The following ZNF273 variants were observed in gnomAD, a reference collection of about 807,000 sequenced individuals.
ZNF273 encodes the protein zinc finger protein 9.
Under a neutral mutation model 14.9 loss-of-function variants are expected in ZNF273, and 11 were observed. That is an observed-to-expected ratio of 0.74 (90% confidence interval 0.46 to 1.22). The LOEUF (loss-of-function observed/expected upper bound fraction) is 1.22. Among genes scored for constraint, ZNF273 ranks in the 50% most tolerant of loss-of-function variants. The probability of loss-of-function intolerance (pLI) is 0.00; values close to 1 mark genes in which losing one functional copy is unlikely to be tolerated. For missense variants in ZNF273, 577 were observed against 660.6 expected, an observed-to-expected ratio of 0.87 and a Z score of 1.39; for synonymous variants, 199 against 223.9, an observed-to-expected ratio of 0.89 and a Z score of 0.99.
downstream of ZNF273, chr7:64,889,819 T>G: frequency 1.0e-6 from 1 of 955,920 alleles, no homozygotes; most frequent in Non-Finnish European, 1.2e-6. This position sits in a 1 kb window ranked among gnomAD's most constrained non-coding sequence, Gnocchi z 4.2. Context: ...ACCTGAGGGT[T>G]AAATTCGGGC....
At chr7:64,878,288 A>G (rs1474056289) in intron 1 of ZNF273, 2 of 152,162 alleles carry the variant, frequency 1.3e-5, no homozygotes, top group Admixed American at 1.3e-4. Flanking sequence ...TCTAGAAATA[A>G]GAGGAGCACA....
At chr7:64,902,454 G>A (rs562819957), upstream of ZNF273, among the ~76,000 whole-genome samples, 9 of 152,276 alleles carry the variant, frequency 5.9e-5, no homozygotes, top group South Asian at 4.1e-4. Flanking sequence ...CTGAGGCCAG[G>A]CGCGGTGGCT....
rs1276238487 is a variant in ZNF273 at position 64,917,609 on chromosome 7, T to C, written c.131T>C (p.Ile44Thr). The part of the protein sequence containing the change: ...MGPLTFRDVA[I>T]EFSLEEWQCL... ...CCACTGACATTTAGGGATGTGGCCA[T>C]AGAATTCTCTCTGGAGGAGTGGCAA... The change falls in exon 2 of 4, where the codon ATA (isoleucine) becomes ACA (threonine). Residue 44 changes from isoleucine to threonine, a missense_variant. This residue lies in a region of ZNF273 where 162 missense variants were observed against 203.5 expected (regional missense o/e 0.80). Coordinates refer to ENST00000476120, the MANE Select transcript of ZNF273 (RefSeq NM_021148.3). 6.3e-6 allele frequency: 10 copies of C among 1,599,562 alleles called. No homozygotes were observed. The highest frequency in any genetic ancestry group is 2.2e-5 in the South Asian group (2 of 90,964).
chr7:64,888,351 C>T (rs536068052), intron 1 of ZNF273: 1 of 985,258 alleles, frequency 1.0e-6, no homozygotes, highest in East Asian at 1.1e-4. Flanking sequence ...ATTCCTGCTC[C>T]CAGGGGGAAG....
At chr7:64,916,509 C>T (rs1480628104) in intron 1 of ZNF273, among the ~76,000 whole-genome samples, 3 of 141,612 alleles carry the variant, frequency 2.1e-5, no homozygotes, top group Non-Finnish European at 3.0e-5. Context: ...CACACCATTG[C>T]ACTCTAGCCT....
downstream of ZNF273, chr7:64,889,720 A>C: frequency 1.0e-6 from 1 of 985,838 alleles, no homozygotes; most frequent in Non-Finnish European, 1.2e-6. This position sits in a 1 kb window ranked among gnomAD's most constrained non-coding sequence, Gnocchi z 4.2. Context: ...TTGGGAGTGT[A>C]GCTGGACACC....
intron 3 of ZNF273, among the ~76,000 whole-genome samples, chr7:64,927,445 A>G (rs1405084772): frequency 6.6e-6 from 1 of 152,210 alleles, no homozygotes; most frequent in Non-Finnish European, 1.5e-5. Context: ...GGGGCACTGC[A>G]CACACTTAAC....
At chr7:64,884,281 C>T (rs1012748101), downstream of ZNF273, among the ~76,000 whole-genome samples, 9 of 152,080 alleles carry the variant, frequency 5.9e-5, no homozygotes, top group African/African-American at 2.2e-4. Context: ...TTACAGGAGT[C>T]TCTTGGGTTT....
At chr7:64,915,260 G>A (rs1793889826) in intron 1 of ZNF273, among the ~76,000 whole-genome samples, 1 of 152,074 alleles carries the variant, frequency 6.6e-6, no homozygotes, top group African/African-American at 2.4e-5. Context: ...GGGAAAAGCT[G>A]GTGCCGAGAC....
At chr7:64,902,712 A>G (rs1792805682), upstream of ZNF273, among the ~76,000 whole-genome samples, 1 of 125,012 alleles carries the variant, frequency 8.0e-6, no homozygotes, top group Non-Finnish European at 1.8e-5. Context: ...TCCGAAAGAG[A>G]CAGAGAGAGA....
At chr7:64,910,028 T>C (rs1793380572) in intron 1 of ZNF273, among the ~76,000 whole-genome samples, 1 of 152,122 alleles carries the variant, frequency 6.6e-6, no homozygotes, top group Non-Finnish European at 1.5e-5. Flanking sequence ...CTAGTTTTTT[T>C]TTTCTGGCAA....
chr7:64,888,197 C>G, intron 1 of ZNF273: 1 of 735,108 alleles, frequency 1.4e-6, no homozygotes, highest in Non-Finnish European at 1.7e-6. Flanking sequence ...CACCCCATTC[C>G]CTGAAGCCTG....
chr7:64,914,180 G>GTTTTTTTTTTTTTTTT, intron 1 of ZNF273, among the ~76,000 whole-genome samples: 2 of 63,072 alleles, frequency 3.2e-5, no homozygotes, highest in Non-Finnish European at 5.8e-5. Context: ...GGTAATTTTT[G>GTTTTTTTTTTTTTTTT]TATTTTTTTT....
intron 1 of ZNF273, among the ~76,000 whole-genome samples, chr7:64,911,936 C>T (rs1793545507): frequency 6.6e-6 from 1 of 152,050 alleles, no homozygotes; most frequent in Non-Finnish European, 1.5e-5. Context: ...TTTTTGCTCT[C>T]ATTTGTTTCA....
chr7:64,920,423 G>A lies in ZNF273; in HGVS notation c.325+2131G>A, dbSNP rs373195405. On this transcript the variant is annotated intron_variant, in intron 3 of 3. Coordinates refer to ENST00000476120, the MANE Select transcript of ZNF273 (RefSeq NM_021148.3). The stretch of plus-strand genomic sequence containing the variant: ...AACCGGCCATGAACTGTAGCTCAGG[G>A]AGCTGGAACTGAGTCATTGAACTGC... Among the ~76,000 whole-genome samples, 39 of 152,312 alleles carry A rather than the reference G, an allele frequency of 2.6e-4. 2 individuals carry two copies. The South Asian group carries it at 7.9e-3, about 31-fold the overall frequency.
chr7:64,880,428 C>G (rs1315150089), downstream of ZNF273, among the ~76,000 whole-genome samples: 1 of 152,074 alleles, frequency 6.6e-6, no homozygotes, highest in East Asian at 1.9e-4. Context: ...AGCAGAACCG[C>G]GCTGCCTCAG....
chr7:64,931,650 A>C (rs1794994867), downstream of ZNF273, among the ~76,000 whole-genome samples: 1 of 151,968 alleles, frequency 6.6e-6, no homozygotes, highest in African/African-American at 2.4e-5. Context: ...AAATTTATTT[A>C]TTTATTGAAT....
At chr7:64,903,901 CTT>C (rs990333466) in intron 1 of ZNF273, among the ~76,000 whole-genome samples, 20 of 152,176 alleles carry the variant, frequency 1.3e-4, no homozygotes, top group Admixed American at 6.5e-4. Context: ...GAAGGAAAGA[CTT>C]TTATAAGGTG....
In ZNF273 at chr7:64,928,672, T is replaced by C. The variant is rs768377540; in HGVS notation, c.1344T>C (p.His448=). 6.2e-7 allele frequency: 1 copy of C among 1,612,826 alleles called. No individual in the cohort carries two copies. The highest frequency in any genetic ancestry group is 8.5e-7 in the Non-Finnish European group (1 of 1,179,166). ...GTGTATTCTCAACCCTTACTAAACA[T>C]AAGATAATTCATACTGGAGCAAAAC... The part of the protein sequence containing the change: ...AFSVFSTLTK[H]KIIHTGAKPY... Residue 448 remains histidine, a synonymous_variant, in exon 4 of 4, where the codon CAT becomes CAC. Transcript: ENST00000476120.
Sources: allele counts gnomAD v4.1 joint callset (sites outside exome capture counted in the v4.1 genomes callset), GRCh38; gene constraint gnomAD v4.1.1; regional missense constraint gnomAD v4.1.1; non-coding constraint Gnocchi (gnomAD v3.1); transcripts MANE v1.5; gene names NCBI Gene and HGNC (gene_info 2026-07-23, HGNC 2026-07-21).